The following ESR1 variants were observed in gnomAD, a reference collection of about 807,000 sequenced individuals.
ESR1 encodes estrogen receptor.
ESR1 carries 12 observed loss-of-function variants against 52.7 expected under a neutral mutation model. That is an observed-to-expected ratio of 0.23 (90% CI 0.15 to 0.37). The LOEUF (loss-of-function observed/expected upper bound fraction) is 0.37. Among genes scored for constraint, ESR1 ranks in the 10% least tolerant of loss-of-function variants. ESR1 has a pLI of 1.00. For missense variants in ESR1, 584 were observed against 779.7 expected, an observed-to-expected ratio of 0.75 and a Z score of 2.99; for synonymous variants, 305 against 316.8, an observed-to-expected ratio of 0.96 and a Z score of 0.39.
chr6:151,775,615 G>A (rs549320633), intron 2 of ESR1, among the ~76,000 whole-genome samples: 1 of 152,124 alleles, frequency 6.6e-6, no homozygotes, highest in South Asian at 2.1e-4. Context: ...GTGCCGTGGC[G>A]GGCGCCTGTA....
At chr6:151,777,205 C>T (rs538404413) in intron 2 of ESR1, among the ~76,000 whole-genome samples, 25 of 147,412 alleles carry the variant, frequency 1.7e-4, no homozygotes, top group African/African-American at 5.8e-4. Context: ...GCAACCTCTG[C>T]CTCCCTGGTT....
chr6:152,000,945 C>T (rs960536591), intron 4 of ESR1, among the ~76,000 whole-genome samples: 13 of 151,914 alleles, frequency 8.6e-5, no homozygotes, highest in African/African-American at 3.1e-4. Context: ...ATTATGGCAA[C>T]CCGAGGAAAC....
intron 2 of ESR1, among the ~76,000 whole-genome samples, chr6:151,749,715 G>C (rs993955519): frequency 2.6e-5 from 4 of 152,000 alleles, no homozygotes; most frequent in Admixed American, 2.6e-4. Flanking sequence ...GGAGGAAGGG[G>C]ATCACGGAGC....
At chr6:151,975,642 A>G (rs2039370873) in intron 4 of ESR1, among the ~76,000 whole-genome samples, 1 of 152,166 alleles carries the variant, frequency 6.6e-6, no homozygotes, top group African/African-American at 2.4e-5. Flanking sequence ...TAAAGCTTTC[A>G]ATTGATTGGA....
At chr6:151,880,323 C>T (rs1005986381) in intron 2 of ESR1, among the ~76,000 whole-genome samples, 2 of 151,558 alleles carry the variant, frequency 1.3e-5, no homozygotes, top group Non-Finnish European at 2.9e-5. Flanking sequence ...GCTGGGATTA[C>T]AGGTGTACAC....
chr6:151,673,730 A>G (rs1434676859), intron 1 of ESR1, among the ~76,000 whole-genome samples: 2 of 152,138 alleles, frequency 1.3e-5, no homozygotes, highest in Non-Finnish European at 2.9e-5. Context: ...AACAAATTAA[A>G]AAACTGCTGG....
At chr6:151,658,983 G>A (rs1429980221) in intron 1 of ESR1, among the ~76,000 whole-genome samples, 2 of 152,188 alleles carry the variant, frequency 1.3e-5, no homozygotes, top group Non-Finnish European at 2.9e-5. Context: ...AGCTCGGGGA[G>A]CCTAAACCAA....
intron 7 of ESR1, among the ~76,000 whole-genome samples, chr6:152,097,949 G>A (rs926802704): frequency 2.0e-5 from 3 of 152,188 alleles, no homozygotes; most frequent in Non-Finnish European, 2.9e-5. Context: ...AAAACAGAAC[G>A]GTGTGAAAGA....
At chr6:151,761,559 G>A (rs1190687363) in intron 2 of ESR1, among the ~76,000 whole-genome samples, 2 of 152,086 alleles carry the variant, frequency 1.3e-5, no homozygotes, top group Admixed American at 6.5e-5. Flanking sequence ...CTGTGGCTTG[G>A]TTTCCTCATC....
Position 152,101,926 on chromosome 6 carries a change from G to T in ESR1, c.*2960G>T, listed in dbSNP as rs968152317. Reference sequence around the variant, plus strand: ...AAATGGCAGCTTCAGTTCTAGAGAAGAAAGAACAACATCAGCAGTAAAGTC... The same window carrying T: ...AAATGGCAGCTTCAGTTCTAGAGAATAAAGAACAACATCAGCAGTAAAGTC... On this transcript the variant is annotated 3_prime_UTR_variant, in exon 8 of 8. Transcript: ENST00000206249. 9.1e-6 allele frequency: 2 copies of T among 218,844 alleles called. No homozygotes were observed. Among genetic ancestry groups the T allele is most frequent in the Non-Finnish European group, 1.8e-5 (2 of 108,858 alleles). 13.6% of individuals were successfully genotyped at this position (218,844 alleles called of 1,614,324 possible).
chr6:151,947,341 T>A (rs907465954), intron 4 of ESR1, among the ~76,000 whole-genome samples: 1 of 151,870 alleles, frequency 6.6e-6, no homozygotes, highest in African/African-American at 2.4e-5. Flanking sequence ...AAGAAGGAAA[T>A]AGTAAATGTC....
At chr6:152,043,075 T>G (rs1006480021) in intron 5 of ESR1, among the ~76,000 whole-genome samples, 3 of 152,254 alleles carry the variant, frequency 2.0e-5, no homozygotes, top group African/African-American at 7.2e-5. Flanking sequence ...CAAAGGTATA[T>G]CTTCTGTACT....
At chr6:151,696,197 A>T (rs866673728) in intron 1 of ESR1, among the ~76,000 whole-genome samples, 155 of 152,238 alleles carry the variant, frequency 1.0e-3, no homozygotes, top group African/African-American at 3.6e-3. Context: ...AGGGCTGGGC[A>T]TGGTGGCTCA....
At chr6:151,674,179 C>G (rs1166294131) in intron 1 of ESR1, among the ~76,000 whole-genome samples, 1 of 152,136 alleles carries the variant, frequency 6.6e-6, no homozygotes. Context: ...TCTCCCTCCC[C>G]TTGTCCCCCA....
intron 4 of ESR1, among the ~76,000 whole-genome samples, chr6:151,990,182 A>G (rs1025022308): frequency 6.6e-6 from 1 of 152,130 alleles, no homozygotes; most frequent in African/African-American, 2.4e-5. Context: ...ATGATTAGCC[A>G]TAACTAGTAC....
chr6:152,008,168 T>G (rs1230168918), intron 4 of ESR1, among the ~76,000 whole-genome samples: 1 of 152,092 alleles, frequency 6.6e-6, no homozygotes, highest in Non-Finnish European at 1.5e-5. Context: ...AAAGAGACAC[T>G]CCATCTAATA....
chr6:152,051,803 T>G (rs2046701717), intron 5 of ESR1, among the ~76,000 whole-genome samples: 1 of 152,208 alleles, frequency 6.6e-6, no homozygotes. Context: ...TACCACTAAT[T>G]ACAACTTTGT....
At chr6:152,056,521 G>C (rs146676290) in intron 5 of ESR1, among the ~76,000 whole-genome samples, 6 of 152,286 alleles carry the variant, frequency 3.9e-5, no homozygotes, top group African/African-American at 1.4e-4. Context: ...CCTCGTTAGA[G>C]CTCTTTATTT....
intron 6 of ESR1, among the ~76,000 whole-genome samples, chr6:152,073,802 C>T (rs2048525998): frequency 6.6e-6 from 1 of 152,176 alleles, no homozygotes; most frequent in South Asian, 2.1e-4. Context: ...AGGCTAGCGG[C>T]CCCGCCTCAA....
Sources: allele counts gnomAD v4.1 joint callset (sites outside exome capture counted in the v4.1 genomes callset), GRCh38; gene constraint gnomAD v4.1.1; transcripts MANE v1.5; gene names NCBI Gene and HGNC (gene_info 2026-07-23, HGNC 2026-07-21).